Variants in DLGAP2 observed in about 807,000 individuals in gnomAD.
DLGAP2 encodes the protein DLG associated protein 2.
DLGAP2 carries 26 observed loss-of-function variants against 100.3 expected under a neutral mutation model. The observed-to-expected ratio is 0.26, with a 90% CI of 0.19 to 0.36. DLGAP2 has a LOEUF of 0.36. Among genes scored for constraint, DLGAP2 ranks in the 10% least tolerant of loss-of-function variants. DLGAP2 has a pLI of 1.00. For synonymous variants in DLGAP2, 886 were observed against 630.1 expected, an observed-to-expected ratio of 1.41 and a Z score of -6.08; for missense variants, 1,858 against 1,453.2, an observed-to-expected ratio of 1.28 and a Z score of -4.53.
chr8:1,450,743 C>G (rs1187053945), intron 3 of DLGAP2, among the ~76,000 whole-genome samples: 1 of 152,142 alleles, frequency 6.6e-6, no homozygotes, highest in Non-Finnish European at 1.5e-5. Flanking sequence ...GCACCGTCCT[C>G]CACGCAGCAT....
chr8:1,022,941 C>T (rs1195844784), intron 2 of DLGAP2, among the ~76,000 whole-genome samples: 1 of 152,204 alleles, frequency 6.6e-6, no homozygotes, highest in Non-Finnish European at 1.5e-5. Context: ...CAATCTTGAT[C>T]TGAATCTTAG....
chr8:1,517,072 C>G (rs1024054611), intron 4 of DLGAP2, among the ~76,000 whole-genome samples: 2 of 152,144 alleles, frequency 1.3e-5, no homozygotes, highest in African/African-American at 2.4e-5. Flanking sequence ...TAGAATCACC[C>G]CATCTTGAAG....
At chr8:1,146,758 G>C (rs1412221536) in intron 2 of DLGAP2, among the ~76,000 whole-genome samples, 2 of 152,200 alleles carry the variant, frequency 1.3e-5, no homozygotes, top group Admixed American at 1.3e-4. Context: ...ACCAGCTATT[G>C]AAAGGACAAG....
At chr8:1,287,883 A>ATGTGTG (rs1312547681) in intron 3 of DLGAP2, among the ~76,000 whole-genome samples, 5 of 51,880 alleles carry the variant, frequency 9.6e-5, no homozygotes, top group African/African-American at 3.8e-4. Context: ...TTGGTTCAGC[A>ATGTGTG]TGTGTGTGTG....
In DLGAP2 at chr8:916,193, T is replaced by C. The variant is rs180764012; in HGVS notation, c.73+8227T>C. On this transcript the variant is annotated intron_variant, in intron 2 of 14. Coordinates refer to ENST00000637795, the MANE Select transcript of DLGAP2 (RefSeq NM_001346810.2). ...CCCAGTTTTCCCACCCACGTATTTGTAGGTTACCTTAAAGTCTTTCCAGTG... is the reference window on the plus strand; with the variant it reads ...CCCAGTTTTCCCACCCACGTATTTGCAGGTTACCTTAAAGTCTTTCCAGTG... 2.6e-5 allele frequency among the ~76,000 whole-genome samples: 4 copies of C among 152,362 alleles called. No homozygotes were observed. The East Asian group carries it at 7.7e-4, about 29-fold the overall frequency.
intron 4 of DLGAP2, among the ~76,000 whole-genome samples, chr8:1,540,259 T>C (rs918949832): frequency 6.6e-6 from 1 of 152,182 alleles, no homozygotes; most frequent in Non-Finnish European, 1.5e-5. Flanking sequence ...CCCGCGTTTT[T>C]TAGAGTGTTT....
chr8:755,145 A>G (rs1403763345), intron 1 of DLGAP2, among the ~76,000 whole-genome samples: 1 of 152,154 alleles, frequency 6.6e-6, no homozygotes, highest in African/African-American at 2.4e-5. Flanking sequence ...GTAAATACAG[A>G]GGACAGTGTT....
At position 1,280,117 on chromosome 8, in the gene DLGAP2, C is replaced by G. The variant is rs190981961; in HGVS notation, c.106+21234C>G. 2.7e-4 allele frequency among the ~76,000 whole-genome samples: 41 copies of G among 152,278 alleles called. No individual in the cohort carries two copies. In the Middle Eastern group the frequency reaches 0.017, roughly 63 times the overall value. ...GAATGCTCTTGGGACCTTAACTGATCCCCAGATGTGGCTTCAGGGGTCGCA... is the reference window on the plus strand; with the variant it reads ...GAATGCTCTTGGGACCTTAACTGATGCCCAGATGTGGCTTCAGGGGTCGCA... On this transcript the variant is annotated intron_variant, in intron 3 of 14. Transcript: ENST00000637795.
At chr8:1,075,631 T>C (rs1585036815) in intron 2 of DLGAP2, among the ~76,000 whole-genome samples, 1 of 152,310 alleles carries the variant, frequency 6.6e-6, no homozygotes, top group East Asian at 1.9e-4. Flanking sequence ...GTATGTGACG[T>C]CCTTGATGAC....
In DLGAP2 at chr8:1,012,422, G is replaced by A. The variant is rs150365348; in HGVS notation, c.73+104456G>A. Among the ~76,000 whole-genome samples the A allele has an allele frequency of 7.2e-3, 1,099 of 152,360 alleles. 18 individuals are homozygous for A. The highest frequency in any genetic ancestry group is 0.024 in the African/African-American group (994 of 41,580). ...ACCCACAGGCTGCTGCGCGAGCGAG[G>A]ATCTCCAGTAGTCTCTGTGTGGCTG... is the stretch of plus-strand genomic sequence containing the variant. On this transcript the variant is annotated intron_variant, in intron 2 of 14. Coordinates refer to ENST00000637795, the MANE Select transcript of DLGAP2 (RefSeq NM_001346810.2).
At chr8:1,196,098 C>T (rs769947026) in intron 2 of DLGAP2, among the ~76,000 whole-genome samples, 3 of 152,214 alleles carry the variant, frequency 2.0e-5, no homozygotes, top group Admixed American at 1.3e-4. Flanking sequence ...TTAGGCATCA[C>T]CGATATCCAG....
At chr8:1,661,265 G>C (rs115565693) in intron 8 of DLGAP2, among the ~76,000 whole-genome samples, 1 of 152,174 alleles carries the variant, frequency 6.6e-6, no homozygotes, top group South Asian at 2.1e-4. Flanking sequence ...CCTCATGGTG[G>C]TGGGGGCTGC....
At position 1,228,006 on chromosome 8, in the gene DLGAP2, T is replaced by A. The variant is rs115666489; in HGVS notation, c.74-30845T>A. ...TACTATTTATATGCATGTTATGACA[T>A]GTTATATACCTTAAATATACACAAT... On this transcript the variant is annotated intron_variant, in intron 2 of 14. Transcript: ENST00000637795. Among the ~76,000 whole-genome samples the A allele has an allele frequency of 5.8e-3, 878 of 152,234 alleles. 6 individuals carry two copies. Among genetic ancestry groups the A allele is most frequent in the African/African-American group, 0.02 (848 of 41,528 alleles).
At chr8:1,547,313 C>G (rs1358348410) in intron 4 of DLGAP2, among the ~76,000 whole-genome samples, 2 of 152,102 alleles carry the variant, frequency 1.3e-5, no homozygotes, top group Non-Finnish European at 2.9e-5. Flanking sequence ...AGATGTGGCC[C>G]TGGGTGACAG....
intron 3 of DLGAP2, among the ~76,000 whole-genome samples, chr8:1,436,094 T>C (rs1004205559): frequency 5.3e-5 from 8 of 152,086 alleles, no homozygotes; most frequent in African/African-American, 1.4e-4. Flanking sequence ...TAGGTGTATA[T>C]ATGAAAGGGA....
At chr8:1,574,033 C>T (rs1374178837) in intron 6 of DLGAP2, among the ~76,000 whole-genome samples, 3 of 152,162 alleles carry the variant, frequency 2.0e-5, no homozygotes, top group Non-Finnish European at 4.4e-5. Flanking sequence ...TGCAGACTCA[C>T]ATTTGCATTG....
intron 1 of DLGAP2, among the ~76,000 whole-genome samples, chr8:793,588 T>G (rs1265440644): frequency 1.3e-5 from 2 of 152,176 alleles, no homozygotes; most frequent in Admixed American, 6.5e-5. Context: ...TTTTACTCCT[T>G]CTCCTCTGAA....
intron 6 of DLGAP2, among the ~76,000 whole-genome samples, chr8:1,586,886 G>T (rs1260250449): frequency 6.6e-6 from 1 of 152,230 alleles, no homozygotes; most frequent in Non-Finnish European, 1.5e-5. Flanking sequence ...TTCTGGGCAT[G>T]TGGCTCCCTC....
At chr8:1,195,768 C>T (rs1004919434) in intron 2 of DLGAP2, among the ~76,000 whole-genome samples, 2 of 152,198 alleles carry the variant, frequency 1.3e-5, no homozygotes, top group East Asian at 1.9e-4. Flanking sequence ...CATCGTTGCT[C>T]ACCCAGGAGC....
Sources: allele counts gnomAD v4.1 joint callset (sites outside exome capture counted in the v4.1 genomes callset), GRCh38; gene constraint gnomAD v4.1.1; transcripts MANE v1.5; gene names NCBI Gene and HGNC (gene_info 2026-07-23, HGNC 2026-07-21).